Variants in SMCO2 observed in about 807,000 individuals in gnomAD.
SMCO2 encodes the protein single-pass membrane and coiled-coil domain-containing protein 2.
SMCO2 carries 25 observed loss-of-function variants against 29.5 expected under a neutral mutation model. The ratio of observed to expected loss-of-function variants is 0.85; its 90% confidence interval spans 0.62 to 1.18. The LOEUF is 1.18. Ranked by LOEUF, SMCO2 falls within the 50% of genes most tolerant of loss-of-function variation. SMCO2 has a pLI of 0.00. For synonymous variants in SMCO2, 117 were observed against 123.3 expected, an observed-to-expected ratio of 0.95 and a Z score of 0.34; for missense variants, 348 against 344.5, an observed-to-expected ratio of 1.01 and a Z score of -0.08.
chr12:27,502,129 G>A (rs1472472671), exon 8 of SMCO2: 2 of 1,507,520 alleles, frequency 1.3e-6, no homozygotes, highest in African/African-American at 1.6e-5. Context: ...TAAAGATACA[G>A]AAGTTACTGT....
chr12:27,446,004 A>G, the SMCO2 span, among the ~76,000 whole-genome samples: 1 of 151,830 alleles, frequency 6.6e-6, no homozygotes, highest in Admixed American at 6.6e-5. Flanking sequence ...CACAGGTTCA[A>G]ATGATTCTCC....
chr12:27,435,759 C>G, the SMCO2 span, among the ~76,000 whole-genome samples: 1 of 152,150 alleles, frequency 6.6e-6, no homozygotes, highest in Non-Finnish European at 1.5e-5. Flanking sequence ...CCCATTTCTA[C>G]ACTAGAGATA....
the SMCO2 span, among the ~76,000 whole-genome samples, chr12:27,454,302 G>A: frequency 6.6e-6 from 1 of 152,130 alleles, no homozygotes; most frequent in Admixed American, 6.5e-5. Flanking sequence ...GAATCAATAT[G>A]AATAAATGTT....
At chr12:27,493,655 G>T (rs529057123) in intron 5 of SMCO2, among the ~76,000 whole-genome samples, 2 of 152,298 alleles carry the variant, frequency 1.3e-5, no homozygotes, top group East Asian at 3.9e-4. Context: ...CTTAGTGGAT[G>T]ATTAATTTAA....
intron 4 of SMCO2, among the ~76,000 whole-genome samples, chr12:27,485,408 T>C (rs1949680534): frequency 6.6e-6 from 1 of 151,696 alleles, no homozygotes; most frequent in African/African-American, 2.4e-5. Context: ...ACTAATTCTA[T>C]CATCTAATCA....
At chr12:27,500,196 A>G (rs1413433425) in intron 7 of SMCO2, among the ~76,000 whole-genome samples, 2 of 150,456 alleles carry the variant, frequency 1.3e-5, no homozygotes, top group Admixed American at 1.3e-4. Context: ...AATGAATATC[A>G]TGCTTAGTAA....
the SMCO2 span, among the ~76,000 whole-genome samples, chr12:27,445,446 G>A: frequency 2.6e-5 from 4 of 152,060 alleles, no homozygotes; most frequent in African/African-American, 9.7e-5. Context: ...AAATTTAACT[G>A]GGTGTTCTAT....
the SMCO2 span, among the ~76,000 whole-genome samples, chr12:27,438,775 A>G: frequency 1.2e-4 from 3 of 24,068 alleles, no homozygotes; most frequent in African/African-American, 5.0e-4. Flanking sequence ...CCCACCCACC[A>G]TTTCCCCCAC....
At chr12:27,447,728 C>CAA in the SMCO2 span, among the ~76,000 whole-genome samples, 12 of 113,446 alleles carry the variant, frequency 1.1e-4, no homozygotes, top group Non-Finnish European at 2.2e-4. Flanking sequence ...GACTCTGTCT[C>CAA]AAAAAAAAAA....
chr12:27,438,156 A>G, the SMCO2 span, among the ~76,000 whole-genome samples: 1 of 152,098 alleles, frequency 6.6e-6, no homozygotes, highest in African/African-American at 2.4e-5. Context: ...GTCACTGCAG[A>G]CCACTTCTTC....
At chr12:27,478,735 G>A (rs1392966157) in intron 4 of SMCO2, among the ~76,000 whole-genome samples, 1 of 152,178 alleles carries the variant, frequency 6.6e-6, no homozygotes, top group East Asian at 1.9e-4. Flanking sequence ...CAGTGGCAGT[G>A]AGCAGGGCCC....
At chr12:27,441,558 T>A in the SMCO2 span, among the ~76,000 whole-genome samples, 1 of 152,266 alleles carries the variant, frequency 6.6e-6, no homozygotes, top group African/African-American at 2.4e-5. Context: ...TCTATGCACC[T>A]AACACCAGAG....
chr12:27,455,212 G>T, the SMCO2 span, among the ~76,000 whole-genome samples: 1 of 152,054 alleles, frequency 6.6e-6, no homozygotes, highest in African/African-American at 2.4e-5. Flanking sequence ...AGGCATGTGG[G>T]GGCATTTGGG....
At chr12:27,428,604 C>G in the SMCO2 span, among the ~76,000 whole-genome samples, 1 of 150,234 alleles carries the variant, frequency 6.7e-6, no homozygotes. Flanking sequence ...CTGTGGAGGA[C>G]TCTGTCCATT....
At chr12:27,433,620 T>C in the SMCO2 span, among the ~76,000 whole-genome samples, 2 of 152,146 alleles carry the variant, frequency 1.3e-5, no homozygotes, top group African/African-American at 4.8e-5. Context: ...TACCCAACTT[T>C]TAGTGATTAT....
chr12:27,469,452 C>T (rs1371863513), intron 1 of SMCO2, among the ~76,000 whole-genome samples: 1 of 152,150 alleles, frequency 6.6e-6, no homozygotes, highest in Admixed American at 6.5e-5. Context: ...ATGGTTTTAA[C>T]ATCTCTGTGA....
At chr12:27,483,054 T>C (rs1326211247) in intron 4 of SMCO2, among the ~76,000 whole-genome samples, 1 of 152,202 alleles carries the variant, frequency 6.6e-6, no homozygotes, top group Non-Finnish European at 1.5e-5. Context: ...TTGAGACTTG[T>C]TCTATGGCGC....
upstream of SMCO2, among the ~76,000 whole-genome samples, chr12:27,464,760 G>A (rs1426298499): frequency 2.1e-5 from 3 of 143,866 alleles, no homozygotes; most frequent in South Asian, 2.2e-4. Flanking sequence ...GGTGGCTCAC[G>A]CCTGTAATCC....
At chr12:27,498,059 A>T (rs1470384585) in intron 7 of SMCO2, 1 of 285,920 alleles carries the variant, frequency 3.5e-6, no homozygotes, top group Admixed American at 3.7e-5. Flanking sequence ...AAAAGAAAGA[A>T]GCAAGGTCTT....
Sources: gnomAD v4.1 joint callset for allele counts (sites outside exome capture counted in the v4.1 genomes callset) on GRCh38, gnomAD v4.1.1 for gene constraint, MANE v1.5 for transcripts, NCBI Gene and HGNC (gene_info 2026-07-23, HGNC 2026-07-21) for gene names.